The following PHACTR2 variants were observed in gnomAD, a reference collection of about 807,000 sequenced individuals.
The protein encoded by PHACTR2 is phosphatase and actin regulator 2.
Under a neutral mutation model 76.0 loss-of-function variants are expected in PHACTR2, and 30 were observed. The observed-to-expected ratio is 0.39, with a 90% confidence interval of 0.30 to 0.54. PHACTR2 has a LOEUF of 0.54. Among genes scored for constraint, PHACTR2 ranks in the 20% least tolerant of loss-of-function variants. The pLI, the probability that PHACTR2 is intolerant of heterozygous loss-of-function variation, is 0.61. For missense variants in PHACTR2, 696 were observed against 781.1 expected (o/e 0.89, Z 1.30); for synonymous variants, 292 against 292.5 (o/e 1.00, Z 0.02).
Position 143,683,776 on chromosome 6 carries a change from A to G in PHACTR2, c.46+5567A>G, listed in dbSNP as rs979968306. Among the ~76,000 whole-genome samples the G allele has an allele frequency of 6.6e-6, 1 of 152,200 alleles. No individual in the cohort carries two copies. The highest frequency in any genetic ancestry group is 2.4e-5 in the African/African-American group (1 of 41,434). On this transcript the variant is annotated intron_variant, in intron 1 of 12. Coordinates refer to ENST00000440869, the MANE Select transcript of PHACTR2 (RefSeq NM_001100164.2). This position sits in a 1 kb window ranked among gnomAD's most constrained non-coding sequence, Gnocchi z 4.1. ...ATATATACATGGTAGGAAGTCAAAC[A>G]TTACAAGATGGTTTGGGATAAAAAT...
intron 1 of PHACTR2, among the ~76,000 whole-genome samples, chr6:143,615,492 G>T (rs1246609749): frequency 6.6e-6 from 1 of 152,174 alleles, no homozygotes. Context: ...CTCTTGGATA[G>T]AAGTTAGTAT....
chr6:143,810,481 G>T (rs141190877), intron 12 of PHACTR2: 1 of 415,988 alleles, frequency 2.4e-6, no homozygotes, highest in African/African-American at 2.1e-5. Flanking sequence ...TATTCTAAAG[G>T]ATGAACAATA....
At chr6:143,815,518 T>G (rs1223395083) in intron 12 of PHACTR2, among the ~76,000 whole-genome samples, 1 of 152,212 alleles carries the variant, frequency 6.6e-6, no homozygotes, top group Non-Finnish European at 1.5e-5. Context: ...TTTAGGAGTT[T>G]TATATCTATC....
chr6:143,702,030 C>T (rs1158838234), intron 1 of PHACTR2, among the ~76,000 whole-genome samples: 1 of 151,550 alleles, frequency 6.6e-6, no homozygotes, highest in Non-Finnish European at 1.5e-5. Flanking sequence ...CTCCAACTCT[C>T]TTCTTGGCTT....
At chr6:143,706,412 CATTTACTT>C (rs1449640567) in intron 1 of PHACTR2, among the ~76,000 whole-genome samples, 1 of 152,174 alleles carries the variant, frequency 6.6e-6, no homozygotes, top group African/African-American at 2.4e-5. Flanking sequence ...GTCTATAATT[CATTTACTT>C]ATCTATCTGT....
chr6:143,572,205 G>T (rs1160020572), intron 1 of PHACTR2, among the ~76,000 whole-genome samples: 2 of 152,162 alleles, frequency 1.3e-5, no homozygotes, highest in East Asian at 1.9e-4. Flanking sequence ...AATATCTTCT[G>T]CAGTTTAGCT....
chr6:143,784,266 C>T lies in PHACTR2; in HGVS notation c.1707+986C>T, dbSNP rs7742964. Among the ~76,000 whole-genome samples, 37,849 of 152,028 alleles carry T rather than the reference C, an allele frequency of 0.25. 5,135 individuals carry two copies. Among genetic ancestry groups the T allele is most frequent in the South Asian group, 0.33 (1,563 of 4,806 alleles). ...GCTACCCAGATTGACAAATGTCTTA[C>T]CTCCCAAACTCAGACAATTGTTGCC... On this transcript the variant is annotated intron_variant, in intron 10 of 12. Transcript: ENST00000440869. This position sits in a 1 kb window ranked among gnomAD's most constrained non-coding sequence, Gnocchi z 4.5.
chr6:143,726,411 C>G (rs979175517), intron 2 of PHACTR2, among the ~76,000 whole-genome samples: 2 of 152,192 alleles, frequency 1.3e-5, no homozygotes, highest in African/African-American at 4.8e-5. Flanking sequence ...AACTGAAACT[C>G]TACATCTATT....
intron 1 of PHACTR2, among the ~76,000 whole-genome samples, chr6:143,690,923 G>A (rs757287909): frequency 6.6e-5 from 10 of 152,216 alleles, no homozygotes; most frequent in South Asian, 2.1e-4. Flanking sequence ...TTAGGGATGC[G>A]TCATCTTTAT....
At chr6:143,747,226 T>C (rs1779085874) in intron 2 of PHACTR2, among the ~76,000 whole-genome samples, 1 of 152,240 alleles carries the variant, frequency 6.6e-6, no homozygotes, top group South Asian at 2.1e-4. Context: ...AGTTTTACTC[T>C]GATCTTTCTA....
intron 1 of PHACTR2, among the ~76,000 whole-genome samples, chr6:143,694,590 G>C: frequency 6.6e-6 from 1 of 152,116 alleles, no homozygotes; most frequent in Non-Finnish European, 1.5e-5. Context: ...TGCTTTCATT[G>C]TCTTAGATGT....
intron 2 of PHACTR2, among the ~76,000 whole-genome samples, chr6:143,715,112 G>C (rs907553743): frequency 6.6e-6 from 1 of 152,018 alleles, no homozygotes; most frequent in Admixed American, 6.6e-5. Context: ...TCTGTGTCCT[G>C]TATTCACCGA....
At chr6:143,786,078 T>A (rs977815145) in intron 10 of PHACTR2, among the ~76,000 whole-genome samples, 3 of 152,254 alleles carry the variant, frequency 2.0e-5, no homozygotes, top group African/African-American at 7.2e-5. Context: ...GGTTCTTTTC[T>A]GCTGCATCCT....
intron 1 of PHACTR2, among the ~76,000 whole-genome samples, chr6:143,603,148 A>AAAAG: frequency 6.7e-6 from 1 of 149,338 alleles, no homozygotes; most frequent in Admixed American, 6.6e-5. Flanking sequence ...TCTGTCTCAA[A>AAAAG]AAAAAAAAAA....
Position 143,689,657 on chromosome 6 carries a change from T to TATTATTTCCC in PHACTR2, c.46+11452_46+11461dup, listed in dbSNP as rs1777596169. Among the ~76,000 whole-genome samples, 2 of 151,846 alleles carry TATTATTTCCC rather than the reference T, an allele frequency of 1.3e-5. No individual in the cohort carries two copies. Among genetic ancestry groups the TATTATTTCCC allele is most frequent in the Admixed American group, 6.6e-5 (1 of 15,234 alleles). On this transcript the variant is annotated intron_variant, in intron 1 of 12. Transcript: ENST00000440869. The surrounding 1 kb of genome is among the most constrained non-coding windows in gnomAD (Gnocchi z 4.4). The stretch of plus-strand genomic sequence containing the variant: ...CCCCATTTCAGAATCATACATTTCC[T>TATTATTTCCC]ATTATTTCCCATTTTCCCATTTTCT...
chr6:143,722,732 T>G lies in PHACTR2; in HGVS notation c.214+10549T>G, dbSNP rs1778472704. 6.6e-6 allele frequency among the ~76,000 whole-genome samples: 1 copy of G among 152,176 alleles called. No individual in the cohort carries two copies. Among genetic ancestry groups the G allele is most frequent in the Admixed American group, 6.5e-5 (1 of 15,278 alleles). ...TATTCTTTCTATCTAACTGTACATT[T>G]GTACCCCTTAACCATCCCTCCTCCC... On this transcript the variant is annotated intron_variant, in intron 2 of 12. Coordinates refer to ENST00000440869, the MANE Select transcript of PHACTR2 (RefSeq NM_001100164.2). This position sits in a 1 kb window ranked among gnomAD's most constrained non-coding sequence, Gnocchi z 4.1.
rs543875211 is a variant in PHACTR2, at chr6:143,671,468, T to G, written c.14-40548T>G. 1.3e-5 allele frequency among the ~76,000 whole-genome samples: 2 copies of G among 152,342 alleles called. No individual in the cohort carries two copies. The highest frequency in any genetic ancestry group is 4.8e-5 in the African/African-American group (2 of 41,588). On this transcript the variant is annotated intron_variant, in intron 1 of 11. Coordinates refer to the PHACTR2 transcript ENST00000305766. The surrounding 1 kb of genome is among the most constrained non-coding windows in gnomAD (Gnocchi z 4.6). ...TTTTGCTTAAACATTATCTTCTCAG[T>G]GAGGACAACTGTGAACACCACATGC...
rs895370253 is a variant in PHACTR2 at position 143,646,136 on chromosome 6, A to G, written c.13+37814A>G. ...TTCTCCAGTCCTTAAACAGGCATTC[A>G]ATGAGCATCTCTTATGTCTGAGGTC... On this transcript the variant is annotated intron_variant, in intron 1 of 11. Transcript: ENST00000305766. This position sits in a 1 kb window ranked among gnomAD's most constrained non-coding sequence, Gnocchi z 4.1. Among the ~76,000 whole-genome samples the G allele has an allele frequency of 3.9e-5, 6 of 152,180 alleles. No individual in the cohort carries two copies. The highest frequency in any genetic ancestry group is 5.9e-5 in the Non-Finnish European group (4 of 68,012).
In PHACTR2 at chr6:143,795,817, T is replaced by C. The variant is rs1218459915; in HGVS notation, c.1845+6907T>C. Among the ~76,000 whole-genome samples, 1 of 152,234 alleles carries C rather than the reference T, an allele frequency of 6.6e-6. No homozygotes were observed. Among genetic ancestry groups the C allele is most frequent in the Non-Finnish European group, 1.5e-5 (1 of 68,048 alleles). On this transcript the variant is annotated intron_variant, in intron 11 of 12. Coordinates refer to ENST00000440869, the MANE Select transcript of PHACTR2 (RefSeq NM_001100164.2). This position sits in a 1 kb window ranked among gnomAD's most constrained non-coding sequence, Gnocchi z 4.8. ...TCTTGAGAATTAGGTAGAATATCTC[T>C]AGAATTCCTGCTTGTCAATAAATGG... is the stretch of plus-strand genomic sequence containing the variant.
Sources: allele counts gnomAD v4.1 joint callset (sites outside exome capture counted in the v4.1 genomes callset), GRCh38; gene constraint gnomAD v4.1.1; non-coding constraint Gnocchi (gnomAD v3.1); transcripts MANE v1.5; gene names NCBI Gene and HGNC (gene_info 2026-07-23, HGNC 2026-07-21).